Variants in SEMA3D observed in about 807,000 individuals in gnomAD.
SEMA3D encodes semaphorin 3D.
SEMA3D carries 84 observed loss-of-function variants against 100.1 expected under a neutral mutation model. The observed-to-expected ratio is 0.84, with a 90% CI of 0.70 to 1.01. SEMA3D has a LOEUF of 1.01. Among genes scored for constraint, SEMA3D ranks in the 50% least tolerant of loss-of-function variants. SEMA3D has a pLI of 0.00. For synonymous variants in SEMA3D, 312 were observed against 320.7 expected (o/e 0.97, Z 0.29); for missense variants, 875 against 934.1 (o/e 0.94, Z 0.82).
rs1789291894 is a variant in SEMA3D at position 85,117,892 on chromosome 7, T to C, written c.151+3849A>G. The stretch of plus-strand genomic sequence containing the variant: ...ATATAAAAATATATCTTTTTGTAGA[T>C]ATATATAGATATAAATATATAGATA... On this transcript the variant is annotated intron_variant, in intron 3 of 18. Coordinates refer to ENST00000284136, the MANE Select transcript of SEMA3D (RefSeq NM_001384900.1). 2.6e-5 allele frequency among the ~76,000 whole-genome samples: 4 copies of C among 150,990 alleles called. No homozygotes were observed. The South Asian group carries it at 8.3e-4, about 31-fold the overall frequency.
intron 2 of SEMA3D, among the ~76,000 whole-genome samples, chr7:85,134,455 C>T (rs143673009): frequency 1.2e-3 from 186 of 151,964 alleles, no homozygotes; most frequent in Non-Finnish European, 2.0e-3. Context: ...TTAGAGTATT[C>T]AAAACATGAG....
intron 3 of SEMA3D, among the ~76,000 whole-genome samples, chr7:85,109,672 T>C (rs971655476): frequency 2.0e-5 from 3 of 151,948 alleles, no homozygotes; most frequent in Non-Finnish European, 4.4e-5. Flanking sequence ...TCTTAAGAAA[T>C]CAGAGAAGTG....
intron 9 of SEMA3D, among the ~76,000 whole-genome samples, chr7:85,048,977 G>A (rs1791083612): frequency 1.3e-5 from 2 of 151,664 alleles, no homozygotes; most frequent in South Asian, 2.1e-4. Context: ...CTTTACCAGA[G>A]GAAGGTCTAT....
the SEMA3D span, among the ~76,000 whole-genome samples, chr7:85,201,931 AC>A: frequency 6.6e-6 from 1 of 151,698 alleles, no homozygotes; most frequent in East Asian, 1.9e-4. Context: ...TGTTGCCCAG[AC>A]TGGTCTAGAA....
intron 2 of SEMA3D, among the ~76,000 whole-genome samples, chr7:85,146,637 A>C (rs917591788): frequency 6.6e-6 from 1 of 151,982 alleles, no homozygotes. Flanking sequence ...AATAAGTCAT[A>C]TTTTCGAAAG....
chr7:85,076,707 C>T (rs545993902), intron 5 of SEMA3D, among the ~76,000 whole-genome samples: 47 of 152,146 alleles, frequency 3.1e-4, no homozygotes, highest in African/African-American at 1.1e-3. Context: ...CATTTTTTGA[C>T]TTTTCACCTA....
the SEMA3D span, among the ~76,000 whole-genome samples, chr7:85,229,870 T>G: frequency 6.6e-6 from 1 of 152,282 alleles, no homozygotes; most frequent in East Asian, 1.9e-4. Context: ...TCCATCTTTT[T>G]GAACCTATTT....
intron 17 of SEMA3D, among the ~76,000 whole-genome samples, chr7:85,008,994 C>A (rs1345855574): frequency 6.6e-6 from 1 of 151,562 alleles, no homozygotes; most frequent in Non-Finnish European, 1.5e-5. Context: ...GCAAATATTC[C>A]AAAATCTGAT....
chr7:85,145,740 C>A (rs149432873), intron 2 of SEMA3D, among the ~76,000 whole-genome samples: 1 of 152,096 alleles, frequency 6.6e-6, no homozygotes, highest in Admixed American at 6.6e-5. Context: ...ATTAAAAACA[C>A]ACTGTCATCC....
chr7:85,185,997 G>A (rs1401107455), intron 1 of SEMA3D, among the ~76,000 whole-genome samples: 1 of 152,180 alleles, frequency 6.6e-6, no homozygotes, highest in Non-Finnish European at 1.5e-5. Flanking sequence ...GCTGCTGTTT[G>A]ACTCCAACTT....
chr7:85,100,485 A>G (rs1281214892), intron 3 of SEMA3D, among the ~76,000 whole-genome samples: 1 of 151,910 alleles, frequency 6.6e-6, no homozygotes, highest in Non-Finnish European at 1.5e-5. Flanking sequence ...ATAAGGTAAT[A>G]ATATTCATCA....
At chr7:85,098,899 A>T (rs1788656491) in intron 3 of SEMA3D, among the ~76,000 whole-genome samples, 1 of 151,378 alleles carries the variant, frequency 6.6e-6, no homozygotes, top group African/African-American at 2.4e-5. Flanking sequence ...TTAGCTTGTT[A>T]TAGGATGTCA....
Position 85,012,850 on chromosome 7 carries a change from C to T in SEMA3D, c.1704-4G>A, listed in dbSNP as rs200711770. ...TACATCTTGGCGTCTAGCTCTCCTG[C>T]GGAAAGGGGATTAAACTTATTAGAA... On this transcript the variant is annotated splice_region_variant and splice_polypyrimidine_tract_variant and intron_variant, in intron 16 of 18. Coordinates refer to ENST00000284136, the MANE Select transcript of SEMA3D (RefSeq NM_001384900.1). 146 of 1,608,896 alleles carry T rather than the reference C, an allele frequency of 9.1e-5. No homozygotes were observed. In the East Asian group the frequency reaches 2.2e-3, roughly 24 times the overall value.
chr7:85,212,215 G>A, the SEMA3D span, among the ~76,000 whole-genome samples: 2 of 152,198 alleles, frequency 1.3e-5, no homozygotes, highest in South Asian at 4.1e-4. Context: ...TTCAGAAAAT[G>A]TTCCTTTCCT....
chr7:85,146,345 A>G (rs1366907948), intron 2 of SEMA3D, among the ~76,000 whole-genome samples: 6 of 152,026 alleles, frequency 3.9e-5, no homozygotes, highest in African/African-American at 1.4e-4. Flanking sequence ...ACTTGAAGTC[A>G]GGAGTTCCAG....
intron 5 of SEMA3D, among the ~76,000 whole-genome samples, chr7:85,076,124 A>G (rs775880451): frequency 1.3e-5 from 2 of 152,182 alleles, no homozygotes; most frequent in Admixed American, 6.5e-5. Context: ...TGATCATTGC[A>G]TGTGACCAAA....
intron 4 of SEMA3D, among the ~76,000 whole-genome samples, chr7:85,086,631 CGTGTGT>C (rs58818289): frequency 7.1e-5 from 10 of 140,912 alleles, no homozygotes; most frequent in Admixed American, 1.4e-4. Context: ...TCTCTCTCTC[CGTGTGT>C]GTGTGTGTGT....
chr7:85,086,351 A>C (rs1295906860), intron 4 of SEMA3D, among the ~76,000 whole-genome samples: 1 of 151,908 alleles, frequency 6.6e-6, no homozygotes, highest in African/African-American at 2.4e-5. Context: ...TTAAATATTC[A>C]TTTTTATTCC....
At chr7:85,115,893 C>T (rs540299266) in intron 3 of SEMA3D, among the ~76,000 whole-genome samples, 134 of 152,164 alleles carry the variant, frequency 8.8e-4, no homozygotes, top group Non-Finnish European at 1.4e-3. Flanking sequence ...TAAGAAACTA[C>T]CAAAAAAATT....
Sources: gnomAD v4.1 joint callset for allele counts (sites outside exome capture counted in the v4.1 genomes callset) on GRCh38, gnomAD v4.1.1 for gene constraint, MANE v1.5 for transcripts, NCBI Gene and HGNC (gene_info 2026-07-23, HGNC 2026-07-21) for gene names.